The following CCDC158 variants were observed in gnomAD, a reference collection of about 807,000 sequenced individuals.
CCDC158 encodes the protein coiled-coil domain containing 158.
In CCDC158, 116 loss-of-function variants were observed where a neutral mutation model predicts 138.6. The ratio of observed to expected loss-of-function variants is 0.84; its 90% CI spans 0.72 to 0.98. The LOEUF (loss-of-function observed/expected upper bound fraction) is 0.98. Ranked by LOEUF, CCDC158 falls within the 50% of genes least tolerant of loss-of-function variation. CCDC158 has a pLI of 0.00. For missense variants in CCDC158, 1,265 were observed against 1,306.1 expected (o/e 0.97, Z 0.48); for synonymous variants, 436 against 442.4 (o/e 0.99, Z 0.18).
rs1294629752 is a variant in CCDC158 at position 76,376,268 on chromosome 4, TG to T, written c.1029+3021del. 4.6e-3 allele frequency among the ~76,000 whole-genome samples: 695 copies of T among 152,312 alleles called. 5 individuals are homozygous for T. The highest frequency in any genetic ancestry group is 0.016 in the African/African-American group (675 of 41,570). Reference sequence around the variant, plus strand: ...TTGTAGAGACAGAGTCCCACTATGTTGCCCAGGCTTGTCTCAAGCTCCTAGG... The same window carrying T: ...TTGTAGAGACAGAGTCCCACTATGTTCCCAGGCTTGTCTCAAGCTCCTAGG... On this transcript the variant is annotated intron_variant, in intron 9 of 24. Coordinates refer to ENST00000682701, the MANE Select transcript of CCDC158 (RefSeq NM_001394954.1).
rs1335528113 is a variant in CCDC158, at chr4:76,325,975, A to G, written c.3051T>C (p.Asn1017=). The change falls in exon 23 of 25, where the codon AAT becomes AAC. Residue 1017 remains asparagine, a synonymous_variant. Transcript: ENST00000682701. The part of the protein sequence containing the change: ...SVKNSASRSF[N]SSPKKSPVHS... ...GCACTGGAGACTTCTTAGGAGAAGAATTGAATGAACGAGAAGCTGAGTTTT... is the reference window on the plus strand; with the variant it reads ...GCACTGGAGACTTCTTAGGAGAAGAGTTGAATGAACGAGAAGCTGAGTTTT... 2 of 1,613,328 alleles carry G rather than the reference A, an allele frequency of 1.2e-6. No individual in the cohort carries two copies. The highest frequency in any genetic ancestry group is 1.1e-5 in the South Asian group (1 of 90,842).
Position 76,340,365 on chromosome 4 carries a change from C to T in CCDC158, c.2665-6198G>A, listed in dbSNP as rs188469572. On this transcript the variant is annotated intron_variant, in intron 18 of 24. Coordinates refer to ENST00000682701, the MANE Select transcript of CCDC158 (RefSeq NM_001394954.1). The stretch of plus-strand genomic sequence containing the variant: ...CCCCCAAACTGGGAAGGAATGGATC[C>T]GTCACCCATTTGTGAATAAACCAGG... Among the ~76,000 whole-genome samples, 419 of 152,296 alleles carry T rather than the reference C, an allele frequency of 2.8e-3. 2 individuals carry two copies. Among genetic ancestry groups the T allele is most frequent in the African/African-American group, 9.1e-3 (379 of 41,554 alleles).
intron 8 of CCDC158, among the ~76,000 whole-genome samples, chr4:76,381,548 A>G (rs1726245554): frequency 6.6e-6 from 1 of 152,268 alleles, no homozygotes; most frequent in Non-Finnish European, 1.5e-5. Context: ...TATCTTGGAA[A>G]TAACAAACTT....
At chr4:76,373,888 T>C (rs189527673) in intron 9 of CCDC158, among the ~76,000 whole-genome samples, 2 of 152,290 alleles carry the variant, frequency 1.3e-5, no homozygotes, top group Non-Finnish European at 2.9e-5. Flanking sequence ...TAGACTCTAT[T>C]AATCTAATAA....
At chr4:76,315,867 A>G (rs1265668628) in intron 24 of CCDC158, among the ~76,000 whole-genome samples, 1 of 152,164 alleles carries the variant, frequency 6.6e-6, no homozygotes, top group Non-Finnish European at 1.5e-5. Flanking sequence ...TGCAAGAACA[A>G]TAATGATCAT....
At chr4:76,355,798 C>CGTGTGTGTGT (rs71212417) in intron 14 of CCDC158, among the ~76,000 whole-genome samples, 2,328 of 145,562 alleles carry the variant, frequency 0.016, 18 homozygotes, top group South Asian at 0.022. Flanking sequence ...AATATATGTA[C>CGTGTGTGTGT]GTGTGTGTGT....
At chr4:76,346,808 A>G (rs576585986) in intron 18 of CCDC158, among the ~76,000 whole-genome samples, 2 of 152,340 alleles carry the variant, frequency 1.3e-5, no homozygotes, top group East Asian at 3.9e-4. Context: ...TCCAGAATCT[A>G]CAAAAAACTT....
intron 11 of CCDC158, 115 bp from the exon 12 acceptor site, chr4:76,367,891 G>A (rs1481257392): frequency 2.3e-6 from 2 of 853,730 alleles, no homozygotes; most frequent in South Asian, 4.4e-5. Context: ...TGTTTAGTAA[G>A]ATCTTTTTTT....
chr4:76,326,023 T>C lies in CCDC158; in HGVS notation c.3011-8A>G. The stretch of plus-strand genomic sequence containing the variant: ...TTTTCACAGATGGACTTGCTAAAAG[T>C]TTGCAAGAATAAAAGTAAAAGGACA... On this transcript the variant is annotated splice_polypyrimidine_tract_variant and splice_region_variant and intron_variant, in intron 22 of 24. Transcript: ENST00000682701. 1 of 1,603,818 alleles carries C rather than the reference T, an allele frequency of 6.2e-7. No individual in the cohort carries two copies. Among genetic ancestry groups the C allele is most frequent in the Non-Finnish European group, 8.5e-7 (1 of 1,176,362 alleles).
chr4:76,384,336 G>C lies in CCDC158; in HGVS notation c.478C>G (p.Leu160Val). Residue 160 changes from leucine (L) to valine (V), a missense_variant, in exon 6 of 25, where the codon CTT becomes GTT. By Grantham distance (32) the Leu-to-Val change is conservative. Coordinates refer to ENST00000682701, the MANE Select transcript of CCDC158 (RefSeq NM_001394954.1). The part of the protein sequence containing the change: ...TVHELEAAKC[L>V]KEDMLKDSNT... ...CTGTCTTTCAGCATGTCCTCTTTAA[G>C]GCATTTGGCAGCTTCAAGTTCATGA... 6.2e-7 allele frequency: 1 copy of C among 1,614,050 alleles called. No homozygotes were observed. The highest frequency in any genetic ancestry group is 8.5e-7 in the Non-Finnish European group (1 of 1,179,998).
chr4:76,321,571 A>G (rs1425530719), intron 24 of CCDC158, among the ~76,000 whole-genome samples: 1 of 147,748 alleles, frequency 6.8e-6, no homozygotes, highest in East Asian at 1.9e-4. Context: ...TAGAGAGACT[A>G]TTACATGGTG....
At chr4:76,343,998 G>A (rs561164316) in intron 18 of CCDC158, among the ~76,000 whole-genome samples, 1 of 152,240 alleles carries the variant, frequency 6.6e-6, no homozygotes, top group Admixed American at 6.5e-5. Context: ...TGGAAGTTCT[G>A]GCCAGGGCAA....
At chr4:76,392,447 A>C (rs1727401347) in intron 4 of CCDC158, among the ~76,000 whole-genome samples, 1 of 151,886 alleles carries the variant, frequency 6.6e-6, no homozygotes, top group Non-Finnish European at 1.5e-5. Flanking sequence ...ACTCAAAAAA[A>C]ATGGGTATAG....
Position 76,386,843 on chromosome 4 carries a change from A to T in CCDC158, c.289-2178T>A, listed in dbSNP as rs115019621. ...TGCTGCCCCGTCAGAGGGGAGAATC[A>T]AGCCATGCTGAGCTTAGAGGGAGCA... On this transcript the variant is annotated intron_variant, in intron 4 of 24. Coordinates refer to ENST00000682701, the MANE Select transcript of CCDC158 (RefSeq NM_001394954.1). 4.0e-3 allele frequency among the ~76,000 whole-genome samples: 607 copies of T among 152,248 alleles called. 3 individuals carry two copies. Among genetic ancestry groups the T allele is most frequent in the African/African-American group, 0.014 (577 of 41,544 alleles).
At chr4:76,338,186 C>T (rs1180836685) in intron 18 of CCDC158, among the ~76,000 whole-genome samples, 3 of 152,138 alleles carry the variant, frequency 2.0e-5, no homozygotes, top group Admixed American at 6.5e-5. Flanking sequence ...GGCAGTGATG[C>T]TAGTGCTGGG....
At chr4:76,373,110 A>G (rs1483123234) in intron 9 of CCDC158, among the ~76,000 whole-genome samples, 1 of 152,150 alleles carries the variant, frequency 6.6e-6, no homozygotes, top group Non-Finnish European at 1.5e-5. Flanking sequence ...CAGCCTCCCA[A>G]AGTGCTGGGA....
chr4:76,351,156 C>T lies in CCDC158; in HGVS notation c.2539-35G>A, dbSNP rs745389257. The T allele has an allele frequency of 1.3e-6, 2 of 1,566,124 alleles. 1 individual carries two copies. The highest frequency in any genetic ancestry group is 2.4e-5 in the South Asian group (2 of 83,838). The stretch of plus-strand genomic sequence containing the variant: ...AATATAGAGGTAAGCAAAATAACTG[C>T]CAGCCTACAATTATAAAGAAATGTG... On this transcript the variant is annotated intron_variant, in intron 17 of 24. Transcript: ENST00000682701.
At chr4:76,393,490 G>T (rs1727494628) in intron 4 of CCDC158, among the ~76,000 whole-genome samples, 1 of 151,928 alleles carries the variant, frequency 6.6e-6, no homozygotes, top group Non-Finnish European at 1.5e-5. Flanking sequence ...AATCAAAATG[G>T]GTTAAAGACT....
At chr4:76,381,060 A>T (rs1726192541) in intron 8 of CCDC158, among the ~76,000 whole-genome samples, 1 of 152,226 alleles carries the variant, frequency 6.6e-6, no homozygotes, top group South Asian at 2.1e-4. Context: ...AAATGCCTGG[A>T]TGTCCAGGCA....
Sources: gnomAD v4.1 joint callset for allele counts (sites outside exome capture counted in the v4.1 genomes callset) on GRCh38, gnomAD v4.1.1 for gene constraint, MANE v1.5 for transcripts, NCBI Gene and HGNC (gene_info 2026-07-23, HGNC 2026-07-21) for gene names.